Variants in TBL1XR1 observed in about 807,000 individuals in gnomAD.
The protein encoded by TBL1XR1 is F-box-like/WD repeat-containing protein TBL1XR1.
A neutral mutation model predicts 66.9 loss-of-function variants in TBL1XR1; 5 were observed. That is an observed-to-expected ratio of 0.07 (90% CI 0.04 to 0.16). The LOEUF is 0.16. Among genes scored for constraint, TBL1XR1 ranks in the 10% least tolerant of loss-of-function variants. The pLI is 1.00. For synonymous variants in TBL1XR1, 210 were observed against 206.0 expected (o/e 1.02, Z -0.17); for missense variants, 238 against 623.2 (o/e 0.38, Z 6.58).
intron 1 of TBL1XR1, among the ~76,000 whole-genome samples, chr3:177,102,930 A>C (rs1331409880): frequency 6.6e-6 from 1 of 152,166 alleles, no homozygotes; most frequent in Non-Finnish European, 1.5e-5. Context: ...TCTCTGATCA[A>C]ATTTCTAGAG....
chr3:177,195,585 GA>G (rs1736744650), intron 1 of TBL1XR1: 1 of 151,694 alleles, frequency 6.6e-6, no homozygotes, highest in Non-Finnish European at 1.5e-5. Flanking sequence ...ACGTGTAATC[GA>G]AATTATTTAT....
chr3:177,146,079 G>T (rs1730202565), intron 1 of TBL1XR1, among the ~76,000 whole-genome samples: 1 of 152,174 alleles, frequency 6.6e-6, no homozygotes, highest in African/African-American at 2.4e-5. Context: ...GGATGACTGT[G>T]TTTTAATCTT....
chr3:177,047,042 A>C (rs954001668), intron 9 of TBL1XR1, among the ~76,000 whole-genome samples: 12 of 152,214 alleles, frequency 7.9e-5, no homozygotes, highest in African/African-American at 2.7e-4. Flanking sequence ...AAGGGAAGCA[A>C]AAAGTGCAGG....
At chr3:177,172,926 A>G (rs1362093752) in intron 1 of TBL1XR1, among the ~76,000 whole-genome samples, 2 of 152,136 alleles carry the variant, frequency 1.3e-5, no homozygotes, top group African/African-American at 4.8e-5. Context: ...TAATCCCAGC[A>G]CTTTGGGAGG....
intron 1 of TBL1XR1, among the ~76,000 whole-genome samples, chr3:177,162,679 C>T (rs1354086186): frequency 6.6e-6 from 1 of 152,122 alleles, no homozygotes; most frequent in Non-Finnish European, 1.5e-5. Context: ...CATACCTCAA[C>T]TAAAAGAAAG....
chr3:177,067,588 AT>A (rs1395172930), intron 2 of TBL1XR1, among the ~76,000 whole-genome samples: 2 of 152,324 alleles, frequency 1.3e-5, no homozygotes, highest in South Asian at 2.1e-4. Context: ...TTGCTGGTAT[AT>A]TTTTAAGTCA....
chr3:177,104,953 A>T (rs1476473613), intron 1 of TBL1XR1, among the ~76,000 whole-genome samples: 1 of 152,216 alleles, frequency 6.6e-6, no homozygotes, highest in Non-Finnish European at 1.5e-5. Context: ...TGACCCACAG[A>T]GTTCTTAAAA....
At chr3:177,092,289 C>G (rs1722933343) in intron 2 of TBL1XR1, among the ~76,000 whole-genome samples, 2 of 152,026 alleles carry the variant, frequency 1.3e-5, no homozygotes, top group Non-Finnish European at 1.5e-5. Context: ...AGGAAAAAAC[C>G]TAAATTAAGA....
chr3:177,025,277 G>A lies in TBL1XR1; in HGVS notation c.*221C>T, dbSNP rs1712947858. On this transcript the variant is annotated 3_prime_UTR_variant, in exon 16 of 16. Transcript: ENST00000457928. ...GCTATTTTAGGGGCACAGCAGATTA[G>A]ATTCCAGCACTTGGTGAACAGAATT... 2.2e-6 allele frequency: 1 copy of A among 444,920 alleles called. No homozygotes were observed. Among genetic ancestry groups the A allele is most frequent in the Non-Finnish European group, 4.0e-6 (1 of 252,840 alleles). 27.6% of individuals were successfully genotyped at this position (444,920 alleles called of 1,614,324 possible).
chr3:177,135,550 A>T (rs1479657056), intron 1 of TBL1XR1, among the ~76,000 whole-genome samples: 14 of 148,516 alleles, frequency 9.4e-5, no homozygotes, highest in African/African-American at 3.5e-4. Flanking sequence ...CGCCTGGCTA[A>T]TTTTTGTATT....
Position 177,025,480 on chromosome 3 carries a change from G to A in TBL1XR1, c.*18C>T, listed in dbSNP as rs367636842. On this transcript the variant is annotated 3_prime_UTR_variant, in exon 16 of 16. Transcript: ENST00000457928. ...ATGTACACATTCATAGTCGGTCCATGGCTTCCAACTAGTAGCGCTATTTCC... is the reference window on the plus strand; with the variant it reads ...ATGTACACATTCATAGTCGGTCCATAGCTTCCAACTAGTAGCGCTATTTCC... 8.7e-6 allele frequency: 14 copies of A among 1,611,874 alleles called. No homozygotes were observed. Among genetic ancestry groups the A allele is most frequent in the Non-Finnish European group, 6.8e-6 (8 of 1,179,336 alleles).
chr3:177,155,227 C>T (rs1237132305), intron 1 of TBL1XR1, among the ~76,000 whole-genome samples: 1 of 152,136 alleles, frequency 6.6e-6, no homozygotes, highest in Admixed American at 6.5e-5. Context: ...ATCAATGCAA[C>T]AGAAAACAGA....
At chr3:177,167,557 G>A (rs1732971304) in intron 1 of TBL1XR1, among the ~76,000 whole-genome samples, 1 of 152,152 alleles carries the variant, frequency 6.6e-6, no homozygotes, top group African/African-American at 2.4e-5. Flanking sequence ...TTGGTAACTG[G>A]GGACACGAGG....
intron 1 of TBL1XR1, among the ~76,000 whole-genome samples, chr3:177,122,301 A>C (rs77363342): frequency 9.9e-5 from 15 of 150,896 alleles, no homozygotes; most frequent in Middle Eastern, 3.2e-3. Flanking sequence ...AAAAAAAAAA[A>C]AACACTGTAA....
At chr3:177,093,420 G>A (rs1014213757) in intron 2 of TBL1XR1, among the ~76,000 whole-genome samples, 3 of 152,084 alleles carry the variant, frequency 2.0e-5, no homozygotes, top group Non-Finnish European at 2.9e-5. Context: ...TACAAATTCA[G>A]TGCAATTCCC....
chr3:177,075,095 C>T (rs1720525727), intron 2 of TBL1XR1, among the ~76,000 whole-genome samples: 1 of 152,204 alleles, frequency 6.6e-6, no homozygotes, highest in South Asian at 2.1e-4. Flanking sequence ...AACTAATTGT[C>T]TCATAGTTCT....
intron 5 of TBL1XR1, 80 bp downstream of exon 5, chr3:177,051,424 C>A: frequency 1.5e-6 from 2 of 1,313,110 alleles, no homozygotes; most frequent in Admixed American, 2.5e-5. Context: ...AACAAACCTG[C>A]ACATGTACCC....
At chr3:177,138,306 G>A (rs1013795101) in intron 1 of TBL1XR1, among the ~76,000 whole-genome samples, 2 of 152,170 alleles carry the variant, frequency 1.3e-5, no homozygotes, top group African/African-American at 4.8e-5. Context: ...TATAAAAGGT[G>A]GGCATTCGCT....
At chr3:177,122,300 A>C (rs1429968759) in intron 1 of TBL1XR1, among the ~76,000 whole-genome samples, 1 of 151,976 alleles carries the variant, frequency 6.6e-6, no homozygotes. Flanking sequence ...AAAAAAAAAA[A>C]AAACACTGTA....
Sources: gnomAD v4.1 joint callset for allele counts (sites outside exome capture counted in the v4.1 genomes callset) on GRCh38, gnomAD v4.1.1 for gene constraint, MANE v1.5 for transcripts, NCBI Gene and HGNC (gene_info 2026-07-23, HGNC 2026-07-21) for gene names.